RNF223: variants seen among roughly 807,000 people sequenced by gnomAD.
RNF223 encodes the protein ring finger protein 223.
RNF223 carries 10 observed loss-of-function variants against 13.9 expected under a neutral mutation model. The observed-to-expected ratio is 0.72, with a 90% CI of 0.44 to 1.22. The LOEUF is 1.22. Among genes scored for constraint, RNF223 ranks in the 50% most tolerant of loss-of-function variants. RNF223 has a pLI of 0.00. For missense variants in RNF223, 379 were observed against 380.0 expected (o/e 1.00, Z 0.02); for synonymous variants, 168 against 173.3 (o/e 0.97, Z 0.24).
chr1:1,073,289 G>A (rs1297937693), intron 1 of RNF223, among the ~76,000 whole-genome samples: 2 of 152,224 alleles, frequency 1.3e-5, no homozygotes, highest in Non-Finnish European at 2.9e-5. Context: ...GCAGGGGCAG[G>A]GGTCAGTGCC....
Position 1,072,100 on chromosome 1 carries a change from C to T in RNF223, c.467G>A (p.Gly156Asp). ...CAAACCCACGTCCACGCATACGAAACCGGGCTCGCGGCCAGGTGTGGTGGG... is the reference window on the plus strand; with the variant it reads ...CAAACCCACGTCCACGCATACGAAATCGGGCTCGCGGCCAGGTGTGGTGGG... ...PLPTTPGREP[G>D]FVCVDVGLSK... The change falls in exon 2 of 2, where the codon GGT becomes GAT. Residue 156 changes from glycine (G) to aspartate (D), a missense_variant. Physicochemically the swap from Gly to Asp is moderately conservative, Grantham distance 94 (BLOSUM62 -1). Coordinates refer to ENST00000453464, the MANE Select transcript of RNF223 (RefSeq NM_001205252.2). 1 of 1,515,064 alleles carries T rather than the reference C, an allele frequency of 6.6e-7. No individual in the cohort carries two copies. Among genetic ancestry groups the T allele is most frequent in the Non-Finnish European group, 8.8e-7 (1 of 1,138,600 alleles). 93.9% of individuals were successfully genotyped at this position (1,515,064 alleles called of 1,614,324 possible).
chr1:1,072,714 T>G, intron 1 of RNF223, 139 bp from the exon 2 acceptor site: 1 of 701,058 alleles, frequency 1.4e-6, no homozygotes, highest in Non-Finnish European at 2.3e-6. Context: ...GTTCCTCCGG[T>G]GCCCCTGGAG....
chr1:1,072,806 G>T (rs960804446), intron 1 of RNF223, among the ~76,000 whole-genome samples: 1 of 152,204 alleles, frequency 6.6e-6, no homozygotes, highest in Non-Finnish European at 1.5e-5. Context: ...AGGGCCCCAG[G>T]CCTGCTCCGG....
chr1:1,073,869 C>T (rs959177964), intron 1 of RNF223, 147 bp downstream of exon 1: 1 of 152,232 alleles, frequency 6.6e-6, no homozygotes, highest in African/African-American at 2.4e-5. Context: ...CCGTGAGTGC[C>T]CCAGGCACCG....
chr1:1,073,662 C>T (rs1230626309), intron 1 of RNF223, among the ~76,000 whole-genome samples: 3 of 152,152 alleles, frequency 2.0e-5, no homozygotes, highest in African/African-American at 7.2e-5. Context: ...AGGGGTCCCA[C>T]CTGGAGGGAA....
intron 1 of RNF223, 112 bp downstream of exon 1, chr1:1,073,904 C>T (rs1645662443): frequency 6.6e-6 from 1 of 152,272 alleles, no homozygotes. Flanking sequence ...TGCTCTGCGG[C>T]CTGTGTACCC....
At chr1:1,072,681 T>C in intron 1 of RNF223, 106 bp from the exon 2 acceptor site, 1 of 968,176 alleles carries the variant, frequency 1.0e-6, no homozygotes, top group Non-Finnish European at 1.5e-6. Flanking sequence ...AAGGACTCTG[T>C]TTCCTGCGCG....
At chr1:1,072,639 C>T (rs1439362700) in intron 1 of RNF223, 64 bp from the exon 2 acceptor site, 6 of 1,289,022 alleles carry the variant, frequency 4.7e-6, no homozygotes, top group South Asian at 4.6e-5. Context: ...TTTTATCTCT[C>T]CCTCCCCTCT....
rs1363021101 is a variant in RNF223 at position 1,071,888 on chromosome 1, G to C, written c.679C>G (p.Leu227Val). 1 of 1,532,580 alleles carries C rather than the reference G, an allele frequency of 6.5e-7. No homozygotes were observed. The highest frequency in any genetic ancestry group is 8.7e-7 in the Non-Finnish European group (1 of 1,145,212). 94.9% of individuals were successfully genotyped at this position (1,532,580 alleles called of 1,614,324 possible). ...CALKTGNLRC[L>V]PLPPRPPATS... Reference sequence around the variant, plus strand: ...GCCGGGGGCCGGGGGGGCAGGGGCAGGCAGCGCAGGTTCCCGGTCTTGAGC... The same window carrying C: ...GCCGGGGGCCGGGGGGGCAGGGGCACGCAGCGCAGGTTCCCGGTCTTGAGC... Residue 227 changes from leucine to valine, a missense_variant, in exon 2 of 2, where the codon CTG becomes GTG. Leu to Val is a conservative substitution (Grantham distance 32, BLOSUM62 1). Coordinates refer to ENST00000453464, the MANE Select transcript of RNF223 (RefSeq NM_001205252.2).
chr1:1,071,511 C>T lies in RNF223; in HGVS notation c.*306G>A, dbSNP rs771956112. On this transcript the variant is annotated 3_prime_UTR_variant, in exon 2 of 2. Transcript: ENST00000453464. ...AAAATCCCGACCTCAAGTGGTCTTT[C>T]TGCCTCAGCCCTCCAGAGTGCTGAG... 2.0e-4 allele frequency: 54 copies of T among 276,642 alleles called. No individual in the cohort carries two copies. Among genetic ancestry groups the T allele is most frequent in the Non-Finnish European group, 3.4e-4 (51 of 149,112 alleles). The allele number at this position is 276,642 out of a possible 1,614,324, so 17.1% of individuals were successfully genotyped here.
At position 1,072,030 on chromosome 1, in the gene RNF223, G is replaced by C. The variant is rs1645643423; in HGVS notation, c.537C>G (p.Pro179=). The C allele has an allele frequency of 6.7e-7, 1 of 1,492,896 alleles. No individual in the cohort carries two copies. The highest frequency in any genetic ancestry group is 1.5e-5 in the African/African-American group (1 of 68,212). The allele number at this position is 1,492,896 out of a possible 1,614,324, so 92.5% of individuals were successfully genotyped here. A position where few individuals can be genotyped will look rare whatever the true frequency, so the allele number is the denominator to read the frequency against. ...EPPAPARDPA[P]RRGRLARCWA... ...AGCAGCGGGCCAGGCGGCCCCGGCG[G>C]GGGGCAGGGTCCCGGGCGGGCGCGG... The change falls in exon 2 of 2, where the codon CCC becomes CCG. Residue 179 remains proline (P), a synonymous_variant. Coordinates refer to ENST00000453464, the MANE Select transcript of RNF223 (RefSeq NM_001205252.2).
chr1:1,072,244 G>A lies in RNF223; in HGVS notation c.323C>T (p.Pro108Leu), dbSNP rs887137945. 7.3e-5 allele frequency: 105 copies of A among 1,445,538 alleles called. No homozygotes were observed. The highest frequency in any genetic ancestry group is 1.8e-4 in the Middle Eastern group (1 of 5,414). The allele number at this position is 1,445,538 out of a possible 1,614,324, so 89.5% of individuals were successfully genotyped here. ...CPFCRQPTAV[P>L]PAGAPALCTS... Reference sequence around the variant, plus strand: ...GCACAGCGCGGGGGCTCCGGCGGGCGGCACGGCCGTGGGCTGCCTGCAGAA... The same window carrying A: ...GCACAGCGCGGGGGCTCCGGCGGGCAGCACGGCCGTGGGCTGCCTGCAGAA... The change falls in exon 2 of 2, where the codon CCG (proline) becomes CTG (leucine). Residue 108 changes from proline to leucine, a missense_variant. Coordinates refer to ENST00000453464, the MANE Select transcript of RNF223 (RefSeq NM_001205252.2).
chr1:1,071,943 G>C lies in RNF223; in HGVS notation c.624C>G (p.Phe208Leu), dbSNP rs982152402. ...ALVSALLLMLFCVALWPVQCA... is the reference protein window; with the variant it reads ...ALVSALLLMLLCVALWPVQCA... Reference sequence around the variant, plus strand: ...ACTGCACCGGCCAGAGTGCCACACAGAAGAGCATCAGCAGCAGGGCAGAGA... The same window carrying C: ...ACTGCACCGGCCAGAGTGCCACACACAAGAGCATCAGCAGCAGGGCAGAGA... The change falls in exon 2 of 2, where the codon TTC (phenylalanine) becomes TTG (leucine). Residue 208 changes from phenylalanine (F) to leucine (L), a missense_variant. Phe to Leu is a conservative substitution (Grantham distance 22). Transcript: ENST00000453464. The C allele has an allele frequency of 1.3e-6, 2 of 1,534,026 alleles. No individual in the cohort carries two copies. Among genetic ancestry groups the C allele is most frequent in the Non-Finnish European group, 1.7e-6 (2 of 1,146,070 alleles).
chr1:1,073,009 G>A (rs961385394), intron 1 of RNF223, among the ~76,000 whole-genome samples: 14 of 152,256 alleles, frequency 9.2e-5, no homozygotes, highest in Admixed American at 2.0e-4. Context: ...ACGCCACAGT[G>A]TGGAAAAGGC....
At chr1:1,073,092 G>A (rs1311035265) in intron 1 of RNF223, among the ~76,000 whole-genome samples, 2 of 152,240 alleles carry the variant, frequency 1.3e-5, no homozygotes, top group African/African-American at 4.8e-5. Context: ...GGCAGATACG[G>A]CTCTCAGGCA....
rs1163321737 is a variant in RNF223 at position 1,072,351 on chromosome 1, G to A, written c.216C>T (p.His72=). 8.3e-6 allele frequency: 12 copies of A among 1,452,532 alleles called. No homozygotes were observed. The highest frequency in any genetic ancestry group is 1.8e-4 in the Middle Eastern group (1 of 5,606). The allele number at this position is 1,452,532 out of a possible 1,614,324, so 90.0% of individuals were successfully genotyped here. A position where few individuals can be genotyped will look rare whatever the true frequency, so the allele number is the denominator to read the frequency against. Residue 72 remains histidine (H), a synonymous_variant, in exon 2 of 2, where the codon CAC becomes CAT. Transcript: ENST00000453464. ...FKTPKELSCT[H]VFCLECLARL... ...GGGCCAGGCACTCCAGGCAGAAGAC[G>A]TGGGTGCAGGAGAGCTCCTTGGGTG...
chr1:1,073,682 G>C (rs1430804406), intron 1 of RNF223, among the ~76,000 whole-genome samples: 1 of 152,178 alleles, frequency 6.6e-6, no homozygotes, highest in Non-Finnish European at 1.5e-5. Flanking sequence ...AGTGGGCAAG[G>C]GTGACAGTGA....
In RNF223 at chr1:1,072,285, C is replaced by T. The variant is rs1038139107; in HGVS notation, c.282G>A (p.Glu94=). Residue 94 remains glutamate (E), a synonymous_variant, in exon 2 of 2, where the codon GAG becomes GAA. Transcript: ENST00000453464. ...AAQPVGRPGG[E]AVPCPFCRQP... ...GCCTGCAGAAGGGGCAAGGTACAGC[C>T]TCACCACCGGGGCGGCCCACAGGCT... 20 of 1,445,670 alleles carry T rather than the reference C, an allele frequency of 1.4e-5. No individual in the cohort carries two copies. The African/African-American group carries it at 1.9e-4, about 14-fold the overall frequency. The allele number at this position is 1,445,670 out of a possible 1,614,324, so 89.6% of individuals were successfully genotyped here. A position where few individuals can be genotyped will look rare whatever the true frequency, so the allele number is the denominator to read the frequency against.
Position 1,072,172 on chromosome 1 carries a change from T to C in RNF223, c.395A>G (p.Glu132Gly). The change falls in exon 2 of 2, where the codon GAG becomes GGG. Residue 132 changes from glutamate (E) to glycine (G), a missense_variant. Glu to Gly is a moderately conservative substitution (Grantham distance 98). Transcript: ENST00000453464. ...QARMPAHLRREEPVWLEGTKL... is the reference protein window; with the variant it reads ...QARMPAHLRRGEPVWLEGTKL... ...GGTGCCCTCCAGCCACACAGGCTCC[T>C]CACGCCGCAAATGCGCCGGCATCCG... 6.6e-7 allele frequency: 1 copy of C among 1,510,042 alleles called. No homozygotes were observed. The highest frequency in any genetic ancestry group is 8.8e-7 in the Non-Finnish European group (1 of 1,135,954). The allele number at this position is 1,510,042 out of a possible 1,614,324, so 93.5% of individuals were successfully genotyped here. A position where few individuals can be genotyped will look rare whatever the true frequency, so the allele number is the denominator to read the frequency against.
Sources: gnomAD v4.1 joint callset for allele counts (sites outside exome capture counted in the v4.1 genomes callset) on GRCh38, gnomAD v4.1.1 for gene constraint, MANE v1.5 for transcripts, NCBI Gene and HGNC (gene_info 2026-07-23, HGNC 2026-07-21) for gene names.